The following MMD2 variants were observed in gnomAD, a reference collection of about 807,000 sequenced individuals.
MMD2 encodes the protein monocyte to macrophage differentiation associated 2, also known as monocyte to macrophage differentiation factor 2.
A neutral mutation model predicts 33.5 loss-of-function variants in MMD2; 30 were observed. The observed-to-expected ratio is 0.90, with a 90% CI of 0.67 to 1.22. The LOEUF (loss-of-function observed/expected upper bound fraction) is 1.22, where lower values mean the gene tolerates loss of function less well. Among genes scored for constraint, MMD2 ranks in the 50% most tolerant of loss-of-function variants. The probability of loss-of-function intolerance (pLI) is 0.00; values close to 1 mark genes in which losing one functional copy is unlikely to be tolerated. For missense variants in MMD2, 364 were observed against 325.4 expected, an observed-to-expected ratio of 1.12 and a Z score of -0.91; for synonymous variants, 129 against 123.0, an observed-to-expected ratio of 1.05 and a Z score of -0.32.
At chr7:4,938,978 C>T (rs954735065) in intron 1 of MMD2, among the ~76,000 whole-genome samples, 2 of 150,976 alleles carry the variant, frequency 1.3e-5, no homozygotes, top group East Asian at 2.0e-4. Context: ...GAGGTTGGGG[C>T]GGGTGGATTA....
In MMD2 at chr7:4,946,194, C is replaced by A. The variant is rs1475752364; in HGVS notation, c.47+12777G>T. 6.6e-6 allele frequency among the ~76,000 whole-genome samples: 1 copy of A among 151,884 alleles called. No homozygotes were observed. Among genetic ancestry groups the A allele is most frequent in the Non-Finnish European group, 1.5e-5 (1 of 67,952 alleles). On this transcript the variant is annotated intron_variant, in intron 1 of 6. Coordinates refer to ENST00000401401, the MANE Select transcript of MMD2 (RefSeq NM_198403.4). The surrounding 1 kb of genome is among the most constrained non-coding windows in gnomAD (Gnocchi z 5.0). Reference sequence around the variant, plus strand: ...ACACATGCACACACACGCGCGCACACCCACACACACGCATGCACACACATG... The same window carrying A: ...ACACATGCACACACACGCGCGCACAACCACACACACGCATGCACACACATG...
At chr7:4,944,482 C>T (rs150065032) in intron 1 of MMD2, among the ~76,000 whole-genome samples, 2 of 152,218 alleles carry the variant, frequency 1.3e-5, no homozygotes, top group South Asian at 2.1e-4. Context: ...GAGCAGGCTC[C>T]GGAGTGGCCG....
chr7:4,931,288 G>A (rs546118231), intron 1 of MMD2, among the ~76,000 whole-genome samples: 3 of 151,888 alleles, frequency 2.0e-5, no homozygotes, highest in African/African-American at 7.2e-5. Flanking sequence ...TGGGACTACA[G>A]GTGCACACCA....
At chr7:4,944,760 C>CTTCTTTTTTTTTTTT (rs753515128) in intron 1 of MMD2, among the ~76,000 whole-genome samples, 1 of 75,276 alleles carries the variant, frequency 1.3e-5, no homozygotes, top group African/African-American at 5.8e-5. Flanking sequence ...TCTTCTTCTT[C>CTTCTTTTTTTTTTTT]TTTTTTTTTT....
In MMD2 at chr7:4,940,259, C is replaced by T. The variant is rs1462824213; in HGVS notation, c.48-14727G>A. On this transcript the variant is annotated intron_variant, in intron 1 of 6. Coordinates refer to ENST00000401401, the MANE Select transcript of MMD2 (RefSeq NM_198403.4). The surrounding 1 kb of genome is among the most constrained non-coding windows in gnomAD (Gnocchi z 5.0). ...CTCCGAAGTCTGGCAGGAGCCAGGCCCAGTCTCAGAGCTCAGCTTCTGCAA... is the reference window on the plus strand; with the variant it reads ...CTCCGAAGTCTGGCAGGAGCCAGGCTCAGTCTCAGAGCTCAGCTTCTGCAA... Among the ~76,000 whole-genome samples the T allele has an allele frequency of 6.6e-6, 1 of 152,158 alleles. No homozygotes were observed. The highest frequency in any genetic ancestry group is 1.5e-5 in the Non-Finnish European group (1 of 68,028).
chr7:4,924,214 T>A (rs1386965569), intron 2 of MMD2, among the ~76,000 whole-genome samples: 1 of 151,502 alleles, frequency 6.6e-6, no homozygotes, highest in African/African-American at 2.4e-5. Context: ...AACAAAACAA[T>A]AACAACAACA....
At chr7:4,929,191 C>T (rs758001189) in intron 1 of MMD2, among the ~76,000 whole-genome samples, 2 of 152,102 alleles carry the variant, frequency 1.3e-5, no homozygotes, top group East Asian at 1.9e-4. Flanking sequence ...TCCATGGTCA[C>T]GTGATTCCAG....
Position 4,959,007 on chromosome 7 carries a change from G to T in MMD2, c.11C>A (p.Pro4His), listed in dbSNP as rs1786466524. The change falls in exon 1 of 7, where the codon CCC (proline) becomes CAC (histidine). Residue 4 changes from proline (P) to histidine (H), a missense_variant. Pro to His is a moderately conservative substitution (Grantham distance 77). Transcript: ENST00000401401. MFA[P>H]RLLDFQKTKY... is the part of the protein sequence containing the mutation. Reference sequence around the variant, plus strand: ...CGTCTTCTGGAAATCCAGCAGCCGGGGGGCGAACATCGCGGCGCTTCCATG... The same window carrying T: ...CGTCTTCTGGAAATCCAGCAGCCGGTGGGCGAACATCGCGGCGCTTCCATG... The T allele has an allele frequency of 1.6e-6, 2 of 1,273,568 alleles. No individual in the cohort carries two copies. The highest frequency in any genetic ancestry group is 3.1e-5 in the East Asian group (1 of 31,912). The allele number at this position is 1,273,568 out of a possible 1,614,324, so 78.9% of individuals were successfully genotyped here.
downstream of MMD2, among the ~76,000 whole-genome samples, chr7:4,904,119 G>A (rs535064295): frequency 3.3e-5 from 5 of 152,258 alleles, no homozygotes; most frequent in South Asian, 8.3e-4. Context: ...TTTTAGTAGA[G>A]ACGGGGTTTC....
intron 1 of MMD2, among the ~76,000 whole-genome samples, chr7:4,930,645 C>CAAAAAAAAAAAA (rs57731564): frequency 1.0e-4 from 12 of 120,516 alleles, no homozygotes; most frequent in African/African-American, 2.4e-4. Context: ...ACTCTGTCTC[C>CAAAAAAAAAAAA]AAAAAAAAAA....
chr7:4,911,102 C>G (rs1784994760), intron 5 of MMD2, 43 bp downstream of exon 5: 4 of 1,497,062 alleles, frequency 2.7e-6, no homozygotes, highest in Non-Finnish European at 3.6e-6. Context: ...GCCAGAGCAT[C>G]TAAGGGAATC....
chr7:4,937,924 C>T (rs1363675499), intron 1 of MMD2, among the ~76,000 whole-genome samples: 2 of 151,348 alleles, frequency 1.3e-5, no homozygotes, highest in Non-Finnish European at 2.9e-5. Flanking sequence ...ACTGAGATTA[C>T]AGGCATGAGC....
chr7:4,899,470 C>G, the MMD2 span, among the ~76,000 whole-genome samples: 4 of 151,926 alleles, frequency 2.6e-5, no homozygotes, highest in African/African-American at 9.7e-5. Flanking sequence ...CTCACTGCAG[C>G]CTCCGCTTCC....
the MMD2 span, among the ~76,000 whole-genome samples, chr7:4,894,720 C>T: frequency 6.6e-6 from 1 of 152,118 alleles, no homozygotes; most frequent in African/African-American, 2.4e-5. This position sits in a 1 kb window ranked among gnomAD's most constrained non-coding sequence, Gnocchi z 4.3. Flanking sequence ...AGGGAACCCA[C>T]GCTGGAACCG....
intron 3 of MMD2, 70 bp from the exon 4 acceptor site, chr7:4,916,149 T>C (rs1459057455): frequency 4.9e-6 from 7 of 1,431,932 alleles, no homozygotes; most frequent in Non-Finnish European, 2.0e-6. Context: ...CCCAGAGCCG[T>C]GCCCTGGACT....
chr7:4,938,309 C>T (rs1785806226), intron 1 of MMD2, among the ~76,000 whole-genome samples: 1 of 151,898 alleles, frequency 6.6e-6, no homozygotes, highest in Non-Finnish European at 1.5e-5. Context: ...ACGCCCGGCC[C>T]AACAATTTAA....
chr7:4,906,405 A>T lies in MMD2; in HGVS notation c.*991T>A. ...GGGGTACACCTGAGTAGCCTCTAAC[A>T]GCCACTGATTGGCACCAAGAGAGAA... On this transcript the variant is annotated 3_prime_UTR_variant, in exon 7 of 7. Transcript: ENST00000401401. 5.0e-6 allele frequency: 2 copies of T among 398,530 alleles called. No individual in the cohort carries two copies. Among genetic ancestry groups the T allele is most frequent in the Non-Finnish European group, 8.8e-6 (2 of 226,016 alleles). The allele number at this position is 398,530 out of a possible 1,614,324, so 24.7% of individuals were successfully genotyped here.
chr7:4,919,802 G>A (rs769577685), intron 3 of MMD2, among the ~76,000 whole-genome samples: 7 of 152,056 alleles, frequency 4.6e-5, no homozygotes, highest in Middle Eastern at 6.8e-3. Context: ...AGGCTGAGGC[G>A]GGAGAATTGC....
chr7:4,957,163 C>CA (rs72291506), intron 1 of MMD2, among the ~76,000 whole-genome samples: 1,390 of 138,378 alleles, frequency 0.01, 29 homozygotes, highest in African/African-American at 0.029. Flanking sequence ...GAGACTGTCT[C>CA]AAAAAAAAAA....
Sources: allele counts gnomAD v4.1 joint callset (sites outside exome capture counted in the v4.1 genomes callset), GRCh38; gene constraint gnomAD v4.1.1; non-coding constraint Gnocchi (gnomAD v3.1); transcripts MANE v1.5; gene names NCBI Gene and HGNC (gene_info 2026-07-23, HGNC 2026-07-21).